CACNA1I: variants seen among roughly 807,000 people sequenced by gnomAD.
CACNA1I encodes the protein voltage-dependent T-type calcium channel subunit alpha-1I.
In CACNA1I, 74 loss-of-function variants were observed where a neutral mutation model predicts 201.6. That is an observed-to-expected ratio of 0.37 (90% CI 0.30 to 0.45). CACNA1I has a LOEUF of 0.45. Ranked by LOEUF, CACNA1I falls within the 20% of genes least tolerant of loss-of-function variation. The probability of loss-of-function intolerance (pLI) is 1.00; values close to 1 mark genes in which losing one functional copy is unlikely to be tolerated. For synonymous variants in CACNA1I, 1,431 were observed against 1,345.2 expected (o/e 1.06, Z -1.40); for missense variants, 2,346 against 3,138.1 (o/e 0.75, Z 6.03).
chr22:39,668,227 G>A (rs950132053), intron 23 of CACNA1I, 65 bp from the exon 24 acceptor site: 8 of 915,530 alleles, frequency 8.7e-6, no homozygotes, highest in Non-Finnish European at 1.3e-5. Flanking sequence ...AGCTGAGGAG[G>A]GGTGGCTGCA....
At chr22:39,679,670 C>T (rs1047980608) in intron 32 of CACNA1I, 52 bp from the exon 33 acceptor site, 95 of 1,531,538 alleles carry the variant, frequency 6.2e-5, no homozygotes, top group Non-Finnish European at 7.2e-5. Context: ...CCCACAGCCC[C>T]GGGACCCGGC....
At chr22:39,576,094 G>T (rs546795039) in intron 1 of CACNA1I, among the ~76,000 whole-genome samples, 105 of 152,328 alleles carry the variant, frequency 6.9e-4, no homozygotes, top group African/African-American at 2.4e-3. Flanking sequence ...TTTCTTAGGA[G>T]CATAGCTGGC....
intron 24 of CACNA1I, 119 bp from the exon 25 acceptor site, chr22:39,669,919 C>A: frequency 1.8e-6 from 2 of 1,131,498 alleles, no homozygotes; most frequent in Admixed American, 1.8e-5. Context: ...CTCACAGCCA[C>A]CTTCCTGGAG....
At chr22:39,614,133 C>T (rs940591765) in intron 3 of CACNA1I, among the ~76,000 whole-genome samples, 10 of 152,210 alleles carry the variant, frequency 6.6e-5, no homozygotes, top group African/African-American at 2.4e-4. Flanking sequence ...CAGGCATGAG[C>T]CACCATGCTG....
intron 4 of CACNA1I, among the ~76,000 whole-genome samples, chr22:39,620,255 C>A (rs551691472): frequency 1.5e-5 from 2 of 135,806 alleles, no homozygotes; most frequent in African/African-American, 5.3e-5. Context: ...ATCCATCCAT[C>A]CATCCATCCA....
chr22:39,685,804 C>G lies in CACNA1I; in HGVS notation c.6071C>G (p.Ser2024Cys). The change falls in exon 37 of 37, where the codon TCC becomes TGC. Residue 2024 changes from serine (S) to cysteine (C), a missense_variant. Around this residue, in one of 13 missense-constraint regions of CACNA1I, gnomAD observed 441 missense variants for 555.6 expected, o/e 0.79. Transcript: ENST00000402142. This position sits in a 1 kb window ranked among gnomAD's most constrained non-coding sequence, Gnocchi z 5.0. ...TCGCTGGACGCCAGCCCCAGCAGCTCCGCGGGCAGCCTGCAGACCACGCTC... is the reference window on the plus strand; with the variant it reads ...TCGCTGGACGCCAGCCCCAGCAGCTGCGCGGGCAGCCTGCAGACCACGCTC... ...DTSLDASPSS[S>C]AGSLQTTLED... 6.7e-7 allele frequency: 1 copy of G among 1,496,412 alleles called. No individual in the cohort carries two copies. Among genetic ancestry groups the G allele is most frequent in the Non-Finnish European group, 8.8e-7 (1 of 1,130,574 alleles). The allele number at this position is 1,496,412 out of a possible 1,614,324, so 92.7% of individuals were successfully genotyped here.
rs143671910 is a variant in CACNA1I, at chr22:39,631,279, G to A, written c.581-3286G>A. Among the ~76,000 whole-genome samples, 34 of 152,296 alleles carry A rather than the reference G, an allele frequency of 2.2e-4. No homozygotes were observed. In the Middle Eastern group the frequency reaches 0.014, roughly 61 times the overall value. On this transcript the variant is annotated intron_variant, in intron 4 of 36. Transcript: ENST00000402142. ...TGGGTCTGTGCTCTGGGCGCTCACC[G>A]GGCTGGGGGCTGCATCAGGTGTCCT...
Position 39,659,484 on chromosome 22 carries a change from T to C in CACNA1I, c.2382T>C (p.Thr794=), listed in dbSNP as rs575693762. ...FGCKFSLRTD[T]GDTVPDRKNF... ...GCAAGTTCAGCCTCCGCACGGACAC[T>C]GGAGACACGGTGCCCGACAGGAAGA... The change falls in exon 13 of 37, where the codon ACT becomes ACC. Residue 794 remains threonine, a synonymous_variant. Coordinates refer to ENST00000402142, the MANE Select transcript of CACNA1I (RefSeq NM_021096.4). This position sits in a 1 kb window ranked among gnomAD's most constrained non-coding sequence, Gnocchi z 4.3. 2 of 1,584,072 alleles carry C rather than the reference T, an allele frequency of 1.3e-6. No homozygotes were observed. Among genetic ancestry groups the C allele is most frequent in the Admixed American group, 1.8e-5 (1 of 55,124 alleles).
chr22:39,606,602 G>T (rs932183458), intron 3 of CACNA1I, among the ~76,000 whole-genome samples: 7 of 152,124 alleles, frequency 4.6e-5, no homozygotes, highest in Middle Eastern at 3.4e-3. Context: ...GCGCCATCTC[G>T]GCTCACTACA....
chr22:39,633,284 C>T (rs1231707816), intron 4 of CACNA1I, among the ~76,000 whole-genome samples: 1 of 151,334 alleles, frequency 6.6e-6, no homozygotes, highest in Admixed American at 6.6e-5. Flanking sequence ...GACAAGGGCC[C>T]TGCCCCCAGA....
At chr22:39,571,275 C>T in intron 1 of CACNA1I, 1 of 510,506 alleles carries the variant, frequency 2.0e-6, no homozygotes, top group Non-Finnish European at 3.6e-6. Flanking sequence ...GGGCCCCAGA[C>T]CTGTGCTGGG....
chr22:39,601,458 C>T (rs1933027303), intron 3 of CACNA1I, among the ~76,000 whole-genome samples: 1 of 152,140 alleles, frequency 6.6e-6, no homozygotes, highest in Non-Finnish European at 1.5e-5. Context: ...TTGAGGGCTT[C>T]CTGAGGAGGT....
chr22:39,625,229 G>C (rs1933865542), intron 4 of CACNA1I, among the ~76,000 whole-genome samples: 1 of 152,154 alleles, frequency 6.6e-6, no homozygotes, highest in Admixed American at 6.5e-5. Flanking sequence ...TTCAACAGTA[G>C]CCCGTAGCTT....
chr22:39,641,944 G>A, intron 6 of CACNA1I, among the ~76,000 whole-genome samples: 1 of 152,198 alleles, frequency 6.6e-6, no homozygotes, highest in East Asian at 1.9e-4. Flanking sequence ...CACGCTCAGG[G>A]CAGCCAGCCC....
intron 5 of CACNA1I, among the ~76,000 whole-genome samples, chr22:39,638,666 T>C (rs779944299): frequency 6.6e-6 from 1 of 152,286 alleles, no homozygotes; most frequent in Non-Finnish European, 1.5e-5. Context: ...TTTGTCTTTT[T>C]TTTCCCCCTA....
intron 4 of CACNA1I, among the ~76,000 whole-genome samples, chr22:39,619,811 C>A (rs1013266323): frequency 6.6e-6 from 1 of 152,134 alleles, no homozygotes; most frequent in African/African-American, 2.4e-5. Flanking sequence ...AACCTGACTC[C>A]CTCACTTGTG....
intron 31 of CACNA1I, 32 bp downstream of exon 31, chr22:39,678,140 AG>A: frequency 6.2e-7 from 1 of 1,603,262 alleles, no homozygotes; most frequent in South Asian, 1.1e-5. Flanking sequence ...TGGAGAAATC[AG>A]CCAGGTGCTG....
At chr22:39,613,701 T>C (rs1430837839) in intron 3 of CACNA1I, among the ~76,000 whole-genome samples, 1 of 152,188 alleles carries the variant, frequency 6.6e-6, no homozygotes, top group Non-Finnish European at 1.5e-5. Flanking sequence ...TCCACCTACC[T>C]GGTCAGCAGA....
chr22:39,674,987 G>A (rs748792332), intron 29 of CACNA1I, among the ~76,000 whole-genome samples: 6 of 152,206 alleles, frequency 3.9e-5, no homozygotes, highest in Non-Finnish European at 7.3e-5. Context: ...GAAAGCAAGG[G>A]CATTCATTCA....
Sources: allele counts gnomAD v4.1 joint callset (sites outside exome capture counted in the v4.1 genomes callset), GRCh38; gene constraint gnomAD v4.1.1; regional missense constraint gnomAD v4.1.1; non-coding constraint Gnocchi (gnomAD v3.1); transcripts MANE v1.5; gene names NCBI Gene and HGNC (gene_info 2026-07-23, HGNC 2026-07-21).